The following SOX5 variants were observed in gnomAD, a reference collection of about 807,000 sequenced individuals.
SOX5 encodes transcription factor SOX-5.
Under a neutral mutation model 92.0 loss-of-function variants are expected in SOX5, and 9 were observed. That is an observed-to-expected ratio of 0.10 (90% CI 0.06 to 0.17). The LOEUF is 0.17. SOX5 is among the 10% of genes least tolerant of loss of function. SOX5 has a pLI of 1.00. For missense variants in SOX5, 642 were observed against 944.5 expected (o/e 0.68, Z 4.20); for synonymous variants, 344 against 336.3 (o/e 1.02, Z -0.25).
intron 4 of SOX5, among the ~76,000 whole-genome samples, chr12:23,985,391 A>G (rs1949972334): frequency 6.6e-6 from 1 of 152,092 alleles, no homozygotes; most frequent in South Asian, 2.1e-4. Context: ...CTGGGATTAC[A>G]GGAATGAGCC....
chr12:23,834,102 G>C (rs930404426), intron 3 of SOX5, among the ~76,000 whole-genome samples: 1 of 151,932 alleles, frequency 6.6e-6, no homozygotes, highest in African/African-American at 2.4e-5. Context: ...AGACTGACTC[G>C]AATTCTGACA....
At chr12:23,973,145 A>G (rs1442870523) in intron 4 of SOX5, among the ~76,000 whole-genome samples, 2 of 147,676 alleles carry the variant, frequency 1.4e-5, no homozygotes, top group African/African-American at 5.0e-5. Context: ...AAATGACAGA[A>G]TTTCTAACTT....
In SOX5 at chr12:24,375,012, A is replaced by G. The variant is rs925929640; in HGVS notation, c.-250-6373T>C. On this transcript the variant is annotated intron_variant, in intron 1 of 4. Transcript: ENST00000446891. Reference sequence around the variant, plus strand: ...TTTTGAGACAGAGTCTTGCTCTGTCACCCAGGCTGCAGTGCAGTGGTGCAA... The same window carrying G: ...TTTTGAGACAGAGTCTTGCTCTGTCGCCCAGGCTGCAGTGCAGTGGTGCAA... Among the ~76,000 whole-genome samples, 6 of 151,882 alleles carry G rather than the reference A, an allele frequency of 4.0e-5. No individual in the cohort carries two copies. The South Asian group carries it at 8.3e-4, about 21-fold the overall frequency.
At chr12:24,072,152 A>T (rs1301352590) in intron 4 of SOX5, among the ~76,000 whole-genome samples, 1 of 152,238 alleles carries the variant, frequency 6.6e-6, no homozygotes, top group Non-Finnish European at 1.5e-5. Flanking sequence ...TGATAAGTTT[A>T]TCAACACTTC....
At chr12:24,296,703 T>C (rs1005443057) in intron 2 of SOX5, among the ~76,000 whole-genome samples, 1 of 151,940 alleles carries the variant, frequency 6.6e-6, no homozygotes, top group Non-Finnish European at 1.5e-5. Flanking sequence ...GAAAGTAATA[T>C]GGAATCACTC....
chr12:23,761,173 T>C (rs2094552672), intron 3 of SOX5, among the ~76,000 whole-genome samples: 1 of 152,166 alleles, frequency 6.6e-6, no homozygotes, highest in African/African-American at 2.4e-5. Flanking sequence ...AGACTATTCA[T>C]GCCATAAAAT....
At chr12:24,219,359 C>A (rs999737261) in intron 3 of SOX5, among the ~76,000 whole-genome samples, 1 of 151,880 alleles carries the variant, frequency 6.6e-6, no homozygotes, top group Non-Finnish European at 1.5e-5. Flanking sequence ...GATGGATATC[C>A]CAATGACCCT....
At chr12:23,798,358 C>A (rs2095601894) in intron 3 of SOX5, among the ~76,000 whole-genome samples, 3 of 151,782 alleles carry the variant, frequency 2.0e-5, no homozygotes, top group African/African-American at 7.3e-5. Context: ...CTATGATTGC[C>A]ATTTGAAACA....
At chr12:24,021,721 G>C (rs1449721961) in intron 4 of SOX5, among the ~76,000 whole-genome samples, 1 of 152,138 alleles carries the variant, frequency 6.6e-6, no homozygotes, top group Admixed American at 6.5e-5. Context: ...TGATTCACTG[G>C]AGTGCTTAAC....
intron 11 of SOX5, among the ~76,000 whole-genome samples, chr12:23,552,266 G>A (rs1944350823): frequency 6.6e-6 from 1 of 151,884 alleles, no homozygotes; most frequent in Admixed American, 6.6e-5. Flanking sequence ...TTAGTTCAGA[G>A]CACTTGGTAG....
intron 1 of SOX5, among the ~76,000 whole-genome samples, chr12:23,930,437 G>A (rs1425272862): frequency 6.6e-6 from 1 of 151,686 alleles, no homozygotes; most frequent in East Asian, 1.9e-4. Context: ...TATTTATAGA[G>A]GGAGGAGGAT....
intron 4 of SOX5, among the ~76,000 whole-genome samples, chr12:24,136,539 G>A (rs1467731639): frequency 2.0e-5 from 3 of 152,182 alleles, no homozygotes; most frequent in African/African-American, 4.8e-5. Context: ...AACAGCACCT[G>A]CCTCATAGAG....
chr12:23,961,484 A>C (rs934365921), intron 4 of SOX5, among the ~76,000 whole-genome samples: 3 of 152,134 alleles, frequency 2.0e-5, no homozygotes, highest in African/African-American at 7.2e-5. Flanking sequence ...TCTTTCCAAC[A>C]AGCTTTTGTC....
intron 4 of SOX5, among the ~76,000 whole-genome samples, chr12:23,746,261 T>C (rs1021017301): frequency 6.6e-6 from 1 of 152,050 alleles, no homozygotes; most frequent in African/African-American, 2.4e-5. Context: ...TTTAAAAAAG[T>C]GGAAGGAATA....
intron 1 of SOX5, among the ~76,000 whole-genome samples, chr12:23,929,561 A>C (rs577610383): frequency 6.6e-6 from 1 of 152,026 alleles, no homozygotes; most frequent in Admixed American, 6.6e-5. Flanking sequence ...TTAGCCATTA[A>C]AATTATTTAA....
At chr12:23,605,077 T>C (rs913758093) in intron 8 of SOX5, among the ~76,000 whole-genome samples, 2 of 152,136 alleles carry the variant, frequency 1.3e-5, no homozygotes, top group South Asian at 2.1e-4. Context: ...TCTACCTACA[T>C]TGATAAAAAT....
intron 1 of SOX5, among the ~76,000 whole-genome samples, chr12:23,936,106 T>A (rs1375450790): frequency 6.6e-6 from 1 of 151,006 alleles, no homozygotes; most frequent in African/African-American, 2.4e-5. Flanking sequence ...AATAAGTACA[T>A]ACTGAATGTT....
Position 24,207,269 on chromosome 12 carries a change from G to A in SOX5, c.-2+6074C>T, listed in dbSNP as rs906499024. Among the ~76,000 whole-genome samples, 8 of 152,182 alleles carry A rather than the reference G, an allele frequency of 5.3e-5. 1 individual carries two copies. The highest frequency in any genetic ancestry group is 3.9e-4 in the Admixed American group (6 of 15,280). On this transcript the variant is annotated intron_variant, in intron 4 of 4. Transcript: ENST00000446891. ...GCTATCTCAACCAACTTGAGGAAAT[G>A]TAGTCTGAGATGTAAATGGCATGAC...
At position 24,385,533 on chromosome 12, in the gene SOX5, G is replaced by A. The variant is rs141376243; in HGVS notation, c.-250-16894C>T. 4.9e-3 allele frequency among the ~76,000 whole-genome samples: 751 copies of A among 152,264 alleles called. 5 individuals are homozygous for A. Among genetic ancestry groups the A allele is most frequent in the Middle Eastern group, 0.014 (4 of 294 alleles). Reference sequence around the variant, plus strand: ...GTTAAGATAATCCAGAGAAATAAATGTTAGCAACATCCCTGCACATGTGTG... The same window carrying A: ...GTTAAGATAATCCAGAGAAATAAATATTAGCAACATCCCTGCACATGTGTG... On this transcript the variant is annotated intron_variant, in intron 1 of 4. Transcript: ENST00000446891.
Sources: gnomAD v4.1 joint callset for allele counts (sites outside exome capture counted in the v4.1 genomes callset) on GRCh38, gnomAD v4.1.1 for gene constraint, MANE v1.5 for transcripts, NCBI Gene and HGNC (gene_info 2026-07-23, HGNC 2026-07-21) for gene names.